The following LONP2 variants were observed in gnomAD, a reference collection of about 807,000 sequenced individuals.
The protein encoded by LONP2 is lon protease homolog 2, peroxisomal.
In LONP2, 60 loss-of-function variants were observed where a neutral mutation model predicts 85.6. That is an observed-to-expected ratio of 0.70 (90% CI 0.57 to 0.87). The LOEUF (loss-of-function observed/expected upper bound fraction) is 0.87, where lower values mean the gene tolerates loss of function less well. Among genes scored for constraint, LONP2 ranks in the 40% least tolerant of loss-of-function variants. The pLI is 0.00. For synonymous variants in LONP2, 395 were observed against 389.7 expected (o/e 1.01, Z -0.16); for missense variants, 860 against 1,063.5 (o/e 0.81, Z 2.66).
downstream of LONP2, chr16:48,361,428 G>T: frequency 1.4e-6 from 1 of 691,652 alleles, no homozygotes; most frequent in Non-Finnish European, 2.4e-6. Context: ...ACATGCAACT[G>T]TTTCCTGTAT....
In LONP2 at chr16:48,354,919, T is replaced by C. The variant is rs1960284130; in HGVS notation, c.*3117T>C. ...TTCACATCTCTGCCTTGCAGAACCA[T>C]GACCTATCAAGGTGTTTTGTCAAAC... On this transcript the variant is annotated 3_prime_UTR_variant, in exon 15 of 15. Transcript: ENST00000285737. The C allele has an allele frequency of 1.3e-5, 2 of 152,218 alleles. No individual in the cohort carries two copies. Among genetic ancestry groups the C allele is most frequent in the South Asian group, 4.1e-4 (2 of 4,836 alleles). 9.4% of individuals were successfully genotyped at this position (152,218 alleles called of 1,614,324 possible).
chr16:48,357,887 A>C (rs762179612), downstream of LONP2, among the ~76,000 whole-genome samples: 6 of 152,210 alleles, frequency 3.9e-5, no homozygotes, highest in South Asian at 2.1e-4. Context: ...CCCAAAAATT[A>C]ACACACCAAA....
intron 12 of LONP2, among the ~76,000 whole-genome samples, chr16:48,342,055 G>A (rs965296409): frequency 6.6e-5 from 10 of 152,118 alleles, no homozygotes; most frequent in African/African-American, 2.4e-4. Flanking sequence ...CAAAAGGAAC[G>A]GACATTAGGC....
In LONP2 at chr16:48,353,898, C is replaced by A. The variant is rs892440515; in HGVS notation, c.*2096C>A. On this transcript the variant is annotated 3_prime_UTR_variant, in exon 15 of 15. Transcript: ENST00000285737. ...AGGAGGGCACTTGCTTTAAGCATAT[C>A]TTTCGAAAGGCATCCATTGAGAGAA... is the stretch of plus-strand genomic sequence containing the variant. 1 of 152,066 alleles carries A rather than the reference C, an allele frequency of 6.6e-6. No individual in the cohort carries two copies. Among genetic ancestry groups the A allele is most frequent in the Non-Finnish European group, 1.5e-5 (1 of 68,060 alleles). 9.4% of individuals were successfully genotyped at this position (152,066 alleles called of 1,614,324 possible). A position where few individuals can be genotyped will look rare whatever the true frequency, so the allele number is the denominator to read the frequency against.
chr16:48,342,735 C>A (rs542120347), intron 12 of LONP2, among the ~76,000 whole-genome samples: 4 of 152,306 alleles, frequency 2.6e-5, no homozygotes, highest in African/African-American at 9.6e-5. Context: ...TTCATGAATT[C>A]AAGACTTGGG....
chr16:48,318,036 T>C (rs1164724358), intron 11 of LONP2, among the ~76,000 whole-genome samples: 5 of 151,958 alleles, frequency 3.3e-5, no homozygotes, highest in African/African-American at 1.2e-4. Flanking sequence ...CCTTTTATTA[T>C]GTGGTACTCC....
At chr16:48,265,398 G>A (rs1971969354) in intron 6 of LONP2, among the ~76,000 whole-genome samples, 1 of 152,142 alleles carries the variant, frequency 6.6e-6, no homozygotes, top group South Asian at 2.1e-4. Flanking sequence ...TTTGTACATG[G>A]TGTCATATAA....
chr16:48,346,245 CCT>C (rs1222456182), intron 12 of LONP2, among the ~76,000 whole-genome samples: 1 of 152,102 alleles, frequency 6.6e-6, no homozygotes, highest in Non-Finnish European at 1.5e-5. Flanking sequence ...AGAAAAATCT[CCT>C]GTTTGGATTA....
chr16:48,301,141 C>T (rs1270300983), intron 10 of LONP2, among the ~76,000 whole-genome samples: 1 of 152,056 alleles, frequency 6.6e-6, no homozygotes, highest in Non-Finnish European at 1.5e-5. Context: ...AGTGAGTTAC[C>T]AAACTTAGGA....
In LONP2 at chr16:48,351,827, T is replaced by TTTAAG. The variant is rs754143090; in HGVS notation, c.*29_*33dup. 3.8e-6 allele frequency: 6 copies of TTTAAG among 1,597,538 alleles called. No individual in the cohort carries two copies. The South Asian group carries it at 4.4e-5, about 12-fold the overall frequency. ...GGTCCAAATCTCAATTTTTTAGAAT[T>TTTAAG]TTAAGTTATGAAGTGCTCAAAGGTA... On this transcript the variant is annotated 3_prime_UTR_variant, in exon 15 of 15. Coordinates refer to ENST00000285737, the MANE Select transcript of LONP2 (RefSeq NM_031490.5).
chr16:48,266,485 T>C (rs1050418854), intron 6 of LONP2, among the ~76,000 whole-genome samples: 2 of 152,148 alleles, frequency 1.3e-5, no homozygotes, highest in African/African-American at 4.8e-5. Context: ...CAAAAGTTTC[T>C]TCATGCTCTT....
chr16:48,300,984 CT>C (rs1972792279), intron 10 of LONP2, among the ~76,000 whole-genome samples: 1 of 152,062 alleles, frequency 6.6e-6, no homozygotes, highest in Admixed American at 6.5e-5. Flanking sequence ...AGAACTGTTT[CT>C]TTTTTTATGT....
chr16:48,251,080 A>G (rs1360829365), intron 1 of LONP2, among the ~76,000 whole-genome samples: 1 of 152,222 alleles, frequency 6.6e-6, no homozygotes, highest in East Asian at 1.9e-4. Context: ...CTACGGAATG[A>G]GTAATTTATA....
At chr16:48,257,198 C>T (rs998127403) in intron 3 of LONP2, among the ~76,000 whole-genome samples, 1 of 152,084 alleles carries the variant, frequency 6.6e-6, no homozygotes, top group Non-Finnish European at 1.5e-5. Context: ...ATAATCCCAG[C>T]TACTCGAGAG....
intron 3 of LONP2, 73 bp from the exon 4 acceptor site, chr16:48,258,545 A>G: frequency 1.4e-6 from 2 of 1,465,400 alleles, no homozygotes; most frequent in Non-Finnish European, 1.8e-6. Context: ...AATTTAAACC[A>G]TGGCTCTGAC....
At chr16:48,303,791 G>C (rs529421369) in intron 11 of LONP2, among the ~76,000 whole-genome samples, 1 of 152,282 alleles carries the variant, frequency 6.6e-6, no homozygotes, top group South Asian at 2.1e-4. Context: ...ACGTTCAAGA[G>C]TCCAAAAGTT....
chr16:48,262,918 G>T, intron 6 of LONP2, 46 bp downstream of exon 6: 1 of 1,180,560 alleles, frequency 8.5e-7, no homozygotes, highest in Non-Finnish European at 1.2e-6. Flanking sequence ...TTGTCACTCA[G>T]AAAGCTCATG....
chr16:48,300,790 C>T lies in LONP2; in HGVS notation c.1661+1002C>T, dbSNP rs538192299. Among the ~76,000 whole-genome samples the T allele has an allele frequency of 2.0e-5, 3 of 152,232 alleles. No individual in the cohort carries two copies. The South Asian group carries it at 6.2e-4, about 32-fold the overall frequency. ...TAAGTGACTTATATGTCTGAGTCTTCCAACAATATCATTATTCCAGATAAC... is the reference window on the plus strand; with the variant it reads ...TAAGTGACTTATATGTCTGAGTCTTTCAACAATATCATTATTCCAGATAAC... On this transcript the variant is annotated intron_variant, in intron 10 of 14. Coordinates refer to ENST00000285737, the MANE Select transcript of LONP2 (RefSeq NM_031490.5).
At chr16:48,306,850 GAC>G (rs1391899547) in intron 11 of LONP2, among the ~76,000 whole-genome samples, 3 of 152,082 alleles carry the variant, frequency 2.0e-5, no homozygotes, top group Non-Finnish European at 4.4e-5. Context: ...CATAAAATAA[GAC>G]AGTTGTTTTA....
Sources: allele counts gnomAD v4.1 joint callset (sites outside exome capture counted in the v4.1 genomes callset), GRCh38; gene constraint gnomAD v4.1.1; transcripts MANE v1.5; gene names NCBI Gene and HGNC (gene_info 2026-07-23, HGNC 2026-07-21).